NMUR2: variants seen among roughly 807,000 people sequenced by gnomAD.
NMUR2 encodes the protein neuromedin U receptor 2.
NMUR2 carries 24 observed loss-of-function variants against 25.1 expected under a neutral mutation model. That is an observed-to-expected ratio of 0.96 (90% CI 0.69 to 1.34). The LOEUF (loss-of-function observed/expected upper bound fraction) is 1.34. Ranked by LOEUF, NMUR2 falls within the 40% of genes most tolerant of loss-of-function variation. The pLI, the probability that NMUR2 is intolerant of heterozygous loss-of-function variation, is 0.00. For missense variants in NMUR2, 533 were observed against 512.8 expected (o/e 1.04, Z -0.38); for synonymous variants, 218 against 208.1 (o/e 1.05, Z -0.41).
At chr5:152,395,359 C>G in intron 3 of NMUR2, 100 bp downstream of exon 3, 1 of 1,326,482 alleles carries the variant, frequency 7.5e-7, no homozygotes, top group Non-Finnish European at 1.1e-6. Context: ...CATGGCAGAT[C>G]CCCGTGATAA....
intron 2 of NMUR2, among the ~76,000 whole-genome samples, chr5:152,397,628 G>T (rs1488834597): frequency 4.0e-5 from 6 of 150,154 alleles, no homozygotes; most frequent in African/African-American, 1.5e-4. Flanking sequence ...AGAGTCTACA[G>T]CTTTCATCAT....
At chr5:152,392,733 C>T (rs1462126253) in intron 3 of NMUR2, among the ~76,000 whole-genome samples, 1 of 152,196 alleles carries the variant, frequency 6.6e-6, no homozygotes, top group Non-Finnish European at 1.5e-5. Context: ...GTTAGGCTGA[C>T]ATGGGATCTC....
chr5:152,393,179 C>T (rs1485140488), intron 3 of NMUR2, among the ~76,000 whole-genome samples: 9 of 152,134 alleles, frequency 5.9e-5, no homozygotes, highest in Admixed American at 5.9e-4. Flanking sequence ...AATCAGAGGA[C>T]CTAGTTTCTG....
rs1034484442 is a variant in NMUR2, at chr5:152,399,925, ATTG to A, written c.727-1784_727-1782del. Among the ~76,000 whole-genome samples, 11 of 152,302 alleles carry A rather than the reference ATTG, an allele frequency of 7.2e-5. 1 individual carries two copies. The highest frequency in any genetic ancestry group is 5.2e-4 in the Admixed American group (8 of 15,298). On this transcript the variant is annotated intron_variant, in intron 1 of 3. Transcript: ENST00000255262. Reference sequence around the variant, plus strand: ...GATTCTAATTCAAGATAAGGAAGAAATTGTTGTGATTATGTGCAATAATGAAAC... The same window carrying A: ...GATTCTAATTCAAGATAAGGAAGAAATTGTGATTATGTGCAATAATGAAAC...
intron 3 of NMUR2, 31 bp downstream of exon 3, chr5:152,395,428 A>G: frequency 1.2e-6 from 2 of 1,612,816 alleles, no homozygotes; most frequent in Non-Finnish European, 1.7e-6. Context: ...CCTGAATACT[A>G]GTCATGCACC....
At chr5:152,402,005 A>C (rs1753265034) in intron 1 of NMUR2, among the ~76,000 whole-genome samples, 1 of 152,180 alleles carries the variant, frequency 6.6e-6, no homozygotes, top group Non-Finnish European at 1.5e-5. Flanking sequence ...GAGAAGCTAA[A>C]GCCCAGCAAT....
chr5:152,404,673 G>A lies in NMUR2; in HGVS notation c.441C>T (p.Ala147=), dbSNP rs768746134. Residue 147 remains alanine, a synonymous_variant, in exon 1 of 4, where the codon GCC becomes GCT. Coordinates refer to ENST00000255262, the MANE Select transcript of NMUR2 (RefSeq NM_020167.5). The stretch of plus-strand genomic sequence containing the variant: ...GTTTGGCGCGGAACGGGTGTAGGAT[G>A]GCCACGTAGCGCTCCACGCTGACGG... ...ITTVSVERYV[A]ILHPFRAKLQ... 4.4e-5 allele frequency: 71 copies of A among 1,613,994 alleles called. No individual in the cohort carries two copies. The highest frequency in any genetic ancestry group is 5.1e-5 in the Non-Finnish European group (60 of 1,180,040).
Position 152,404,944 on chromosome 5 carries a change from A to G in NMUR2, c.170T>C (p.Val57Ala). 2 of 1,614,018 alleles carry G rather than the reference A, an allele frequency of 1.2e-6. No homozygotes were observed. Among genetic ancestry groups the G allele is most frequent in the Non-Finnish European group, 1.7e-6 (2 of 1,179,996 alleles). ...CAGGACATTGCCAATGACCCCCACC[A>G]CAAAAATTGGCACATACACCACAGA... ...PVSVVYVPIF[V>A]VGVIGNVLVC... Residue 57 changes from valine (V) to alanine (A), a missense_variant, in exon 1 of 4, where the codon GTG (valine) becomes GCG (alanine). Coordinates refer to ENST00000255262, the MANE Select transcript of NMUR2 (RefSeq NM_020167.5).
rs563264386 is a variant in NMUR2, at chr5:152,396,191, A to G, written c.812-607T>C. 5.2e-3 allele frequency among the ~76,000 whole-genome samples: 690 copies of G among 133,088 alleles called. 4 individuals are homozygous for G. Among genetic ancestry groups the G allele is most frequent in the African/African-American group, 0.018 (658 of 36,406 alleles). The allele number at this position is 133,088 out of a possible 152,430, so 87.3% of individuals were successfully genotyped here. ...TTTCTTTGGGGCATTTAAGCTCCAC[A>G]AATTAAACACACACACACACACACA... On this transcript the variant is annotated intron_variant, in intron 2 of 3. Coordinates refer to ENST00000255262, the MANE Select transcript of NMUR2 (RefSeq NM_020167.5).
chr5:152,403,993 T>C (rs1183342497), intron 1 of NMUR2, among the ~76,000 whole-genome samples: 4 of 152,006 alleles, frequency 2.6e-5, no homozygotes, highest in Non-Finnish European at 4.4e-5. Flanking sequence ...TCTCTCAAAG[T>C]GTGGCCACCT....
At chr5:152,396,902 A>G (rs1753161959) in intron 2 of NMUR2, among the ~76,000 whole-genome samples, 1 of 151,852 alleles carries the variant, frequency 6.6e-6, no homozygotes. Flanking sequence ...AACAACAACA[A>G]CAACAGCAAC....
intron 3 of NMUR2, 125 bp downstream of exon 3, chr5:152,395,334 A>T: frequency 9.4e-7 from 1 of 1,067,110 alleles, no homozygotes; most frequent in Non-Finnish European, 1.4e-6. Context: ...GAAAAATCAA[A>T]TGTCTTCATT....
chr5:152,392,296 T>C lies in NMUR2; in HGVS notation c.1143A>G (p.Gln381=), dbSNP rs778267201. The change falls in exon 4 of 4, where the codon CAA becomes CAG. Residue 381 remains glutamine, a synonymous_variant. Transcript: ENST00000255262. ...TGTGCATGGATGACTGACATGGGAA[T>C]TGGGGACCTATATCTTCGGTCAGCT... ...FVELTEDIGP[Q]FPCQSSMHNS... The C allele has an allele frequency of 1.2e-6, 2 of 1,613,910 alleles. No individual in the cohort carries two copies. The highest frequency in any genetic ancestry group is 1.7e-6 in the Non-Finnish European group (2 of 1,179,922).
intron 1 of NMUR2, among the ~76,000 whole-genome samples, chr5:152,402,319 G>A (rs1487681894): frequency 6.6e-6 from 1 of 152,148 alleles, no homozygotes; most frequent in African/African-American, 2.4e-5. Flanking sequence ...CCTGCGATCA[G>A]TGACACAGAA....
chr5:152,400,913 G>A (rs1457878069), intron 1 of NMUR2, among the ~76,000 whole-genome samples: 1 of 152,154 alleles, frequency 6.6e-6, no homozygotes, highest in Admixed American at 6.5e-5. Context: ...TCCTGTAGCA[G>A]CATAGTTTAC....
chr5:152,395,725 G>T, intron 2 of NMUR2, 141 bp from the exon 3 acceptor site: 2 of 778,984 alleles, frequency 2.6e-6, no homozygotes, highest in Non-Finnish European at 3.9e-6. Flanking sequence ...AGGCAAACTA[G>T]ATCCCAAAGA....
chr5:152,396,628 G>T (rs368500850), intron 2 of NMUR2, among the ~76,000 whole-genome samples: 1 of 152,080 alleles, frequency 6.6e-6, no homozygotes, highest in Non-Finnish European at 1.5e-5. Flanking sequence ...CCTGACGGGC[G>T]TGGTGGCTCA....
In NMUR2 at chr5:152,404,481, C is replaced by A. The variant is rs780499629; in HGVS notation, c.633G>T (p.Trp211Cys). The A allele has an allele frequency of 8.7e-6, 14 of 1,613,980 alleles. No individual in the cohort carries two copies. In the East Asian group the frequency reaches 2.9e-4, roughly 33 times the overall value. The change falls in exon 1 of 4, where the codon TGG (tryptophan) becomes TGT (cysteine). Residue 211 changes from tryptophan to cysteine, a missense_variant. By Grantham distance (215) the Trp-to-Cys change is radical. Coordinates refer to ENST00000255262, the MANE Select transcript of NMUR2 (RefSeq NM_020167.5). ...TGACCTGGATGATGAAATTGTAGAT[C>A]CACATGGGCTTGATGACCGTACAGG... ...SATCTVIKPM[W>C]IYNFIIQVTS...
chr5:152,401,088 T>A (rs1010083956), intron 1 of NMUR2, among the ~76,000 whole-genome samples: 1 of 152,196 alleles, frequency 6.6e-6, no homozygotes, highest in African/African-American at 2.4e-5. Flanking sequence ...TAGAATAGAA[T>A]CAAAACAGTT....
Sources: allele counts gnomAD v4.1 joint callset (sites outside exome capture counted in the v4.1 genomes callset), GRCh38; gene constraint gnomAD v4.1.1; transcripts MANE v1.5; gene names NCBI Gene and HGNC (gene_info 2026-07-23, HGNC 2026-07-21).